ZNF585A: variants seen among roughly 807,000 people sequenced by gnomAD.
ZNF585A encodes the protein zinc finger protein 585A.
In ZNF585A, 9 loss-of-function variants were observed where a neutral mutation model predicts 14.9. The ratio of observed to expected loss-of-function variants is 0.60; its 90% CI spans 0.36 to 1.05. The LOEUF (loss-of-function observed/expected upper bound fraction) is 1.05, where lower values mean the gene tolerates loss of function less well. Among genes scored for constraint, ZNF585A ranks in the 50% least tolerant of loss-of-function variants. The probability of loss-of-function intolerance (pLI) is 0.01; values close to 1 mark genes in which losing one functional copy is unlikely to be tolerated. For synonymous variants in ZNF585A, 276 were observed against 319.9 expected (o/e 0.86, Z 1.46); for missense variants, 726 against 926.4 (o/e 0.78, Z 2.81).
rs2145392270 is a variant in ZNF585A, at chr19:37,149,257, A to T, written c.*2332T>A. 1 of 152,282 alleles carries T rather than the reference A, an allele frequency of 6.6e-6. No homozygotes were observed. Among genetic ancestry groups the T allele is most frequent in the Admixed American group, 6.5e-5 (1 of 15,308 alleles). 9.4% of individuals were successfully genotyped at this position (152,282 alleles called of 1,614,324 possible). A position where few individuals can be genotyped will look rare whatever the true frequency, so the allele number is the denominator to read the frequency against. ...GTGGGAGGCTATGCATATGTGGATT[A>T]GGGGATATATGGGAAACCTCTGTAA... On this transcript the variant is annotated 3_prime_UTR_variant, in exon 5 of 5. Transcript: ENST00000292841.
chr19:37,170,129 A>T (rs1406994419), intron 1 of ZNF585A, 75 bp from the exon 2 acceptor site: 1 of 504,480 alleles, frequency 2.0e-6, no homozygotes, highest in Non-Finnish European at 3.5e-6. Flanking sequence ...ATCAAGGTGC[A>T]GGTCCCTGAG....
At chr19:37,171,775 T>C (rs949742460) in intron 1 of ZNF585A, among the ~76,000 whole-genome samples, 11 of 151,850 alleles carry the variant, frequency 7.2e-5, no homozygotes, top group Non-Finnish European at 1.2e-4. Flanking sequence ...TGGTGGCGGG[T>C]GCCTCTAATC....
Position 37,155,862 on chromosome 19 carries a change from C to T in ZNF585A, c.292+3G>A, listed in dbSNP as rs1464554857. On this transcript the variant is annotated splice_donor_region_variant and intron_variant, in intron 4 of 4. Transcript: ENST00000292841. Reference sequence around the variant, plus strand: ...CTACCGGATTCACACTCGCTTCACTCACCTGGGCAGCTCTGACGTGGCCTC... The same window carrying T: ...CTACCGGATTCACACTCGCTTCACTTACCTGGGCAGCTCTGACGTGGCCTC... The T allele has an allele frequency of 1.2e-6, 2 of 1,612,116 alleles. No homozygotes were observed. The highest frequency in any genetic ancestry group is 1.7e-5 in the Admixed American group (1 of 60,002).
chr19:37,158,335 G>C (rs1233433629), intron 2 of ZNF585A, among the ~76,000 whole-genome samples: 1 of 152,198 alleles, frequency 6.6e-6, no homozygotes, highest in Non-Finnish European at 1.5e-5. Context: ...AGGCTGAAGG[G>C]AAGCGTACAA....
chr19:37,157,056 C>T (rs1231917278), intron 2 of ZNF585A, among the ~76,000 whole-genome samples: 1 of 152,184 alleles, frequency 6.6e-6, no homozygotes, highest in Non-Finnish European at 1.5e-5. Context: ...TTGTAAGTAA[C>T]ATTTACATAC....
rs750421120 is a variant in ZNF585A, at chr19:37,152,702, C to T, written c.1197G>A (p.Val399=). ...TTTCTCCTGTATGAATTCTCTGATG[C>T]ACTGTGAGTGCTGACTTCTGAGTGA... ...KAFTQKSALT[V]HQRIHTGEKS... is the part of the protein sequence containing the mutation. Residue 399 remains valine, a synonymous_variant, in exon 5 of 5, where the codon GTG becomes GTA. Coordinates refer to ENST00000292841, the MANE Select transcript of ZNF585A (RefSeq NM_001288800.2). The T allele has an allele frequency of 1.9e-6, 3 of 1,613,198 alleles. No homozygotes were observed. The South Asian group carries it at 3.3e-5, about 18-fold the overall frequency.
Position 37,153,453 on chromosome 19 carries a change from A to G in ZNF585A, c.446T>C (p.Leu149Pro), listed in dbSNP as rs1971873726. 6.2e-7 allele frequency: 1 copy of G among 1,614,060 alleles called. No individual in the cohort carries two copies. The highest frequency in any genetic ancestry group is 1.7e-5 in the Admixed American group (1 of 60,004). The part of the protein sequence containing the change: ...FTQKSQLKVH[L>P]KVLAGEKLYV... ...GAGCTTTTCTCCTGCAAGAACTTTCAGGTGTACTTTGAGCTGTGACTTCTG... is the reference window on the plus strand; with the variant it reads ...GAGCTTTTCTCCTGCAAGAACTTTCGGGTGTACTTTGAGCTGTGACTTCTG... Residue 149 changes from leucine to proline, a missense_variant, in exon 5 of 5, where the codon CTG becomes CCG. Leu to Pro is a moderately conservative substitution (Grantham distance 98). This residue lies in a region of ZNF585A where 483 missense variants were observed against 542.8 expected (regional missense o/e 0.89). Coordinates refer to ENST00000292841, the MANE Select transcript of ZNF585A (RefSeq NM_001288800.2).
At chr19:37,157,449 A>T (rs73622746) in intron 2 of ZNF585A, among the ~76,000 whole-genome samples, 3 of 152,210 alleles carry the variant, frequency 2.0e-5, no homozygotes, top group Admixed American at 1.3e-4. Context: ...GAAGTTTTTT[A>T]AAAAAGAAGA....
chr19:37,165,657 T>C (rs971540363), intron 2 of ZNF585A: 1 of 984,976 alleles, frequency 1.0e-6, no homozygotes, highest in Non-Finnish European at 1.2e-6. Flanking sequence ...TCTGAATCTA[T>C]CTTCATAATT....
At chr19:37,159,828 T>C (rs971367712) in intron 2 of ZNF585A, among the ~76,000 whole-genome samples, 2 of 152,132 alleles carry the variant, frequency 1.3e-5, no homozygotes, top group Admixed American at 6.5e-5. Context: ...TTAACAGCAC[T>C]CTTCTTTAAT....
At chr19:37,160,131 G>A (rs1339713379) in intron 2 of ZNF585A, among the ~76,000 whole-genome samples, 3 of 151,930 alleles carry the variant, frequency 2.0e-5, no homozygotes, top group South Asian at 2.1e-4. Flanking sequence ...CCAGGAGTTC[G>A]AGATCAGCCT....
rs1281600305 is a variant in ZNF585A, at chr19:37,148,994, A to AT, written c.*2594dup. The AT allele has an allele frequency of 6.6e-6, 1 of 152,196 alleles. No homozygotes were observed. Among genetic ancestry groups the AT allele is most frequent in the Non-Finnish European group, 1.5e-5 (1 of 68,032 alleles). The allele number at this position is 152,196 out of a possible 1,614,324, so 9.4% of individuals were successfully genotyped here. ...AAAAATGTTGCCAGGATTAGAGGAG[A>AT]TGAAGGGATGACAGGCAGAACACAG... On this transcript the variant is annotated 3_prime_UTR_variant, in exon 5 of 5. Transcript: ENST00000292841.
chr19:37,152,544 T>G lies in ZNF585A; in HGVS notation c.1355A>C (p.Gln452Pro). 6.2e-7 allele frequency: 1 copy of G among 1,614,216 alleles called. No homozygotes were observed. The highest frequency in any genetic ancestry group is 8.5e-7 in the Non-Finnish European group (1 of 1,180,036). The change falls in exon 5 of 5, where the codon CAA (glutamine) becomes CCA (proline). Residue 452 changes from glutamine to proline, a missense_variant. Around this residue, in one of 2 missense-constraint regions of ZNF585A, gnomAD observed 483 missense variants for 542.8 expected, o/e 0.89. Transcript: ENST00000292841. ...GTGAATTCGTTTATGAACATGGAGT[T>G]GCGACTTGGAGGTAAACAATTTCCC... is the stretch of plus-strand genomic sequence containing the variant. ...HCGKLFTSKS[Q>P]LHVHKRIHTG...
rs1971793391 is a variant in ZNF585A, at chr19:37,149,642, T to G, written c.*1947A>C. Reference sequence around the variant, plus strand: ...AGGAGGTTTCTGGGCAGGCTGAGGGTCCCTAAGTGGATCAGTGTTGGCACC... The same window carrying G: ...AGGAGGTTTCTGGGCAGGCTGAGGGGCCCTAAGTGGATCAGTGTTGGCACC... On this transcript the variant is annotated 3_prime_UTR_variant, in exon 5 of 5. Coordinates refer to ENST00000292841, the MANE Select transcript of ZNF585A (RefSeq NM_001288800.2). The G allele has an allele frequency of 6.6e-6, 1 of 151,948 alleles. No individual in the cohort carries two copies. The highest frequency in any genetic ancestry group is 6.6e-5 in the Admixed American group (1 of 15,242). The allele number at this position is 151,948 out of a possible 1,614,324, so 9.4% of individuals were successfully genotyped here. A position where few individuals can be genotyped will look rare whatever the true frequency, so the allele number is the denominator to read the frequency against.
In ZNF585A at chr19:37,151,508, T is replaced by C; in HGVS notation, c.*81A>G. 7.4e-7 allele frequency: 1 copy of C among 1,343,032 alleles called. No individual in the cohort carries two copies. The highest frequency in any genetic ancestry group is 1.0e-6 in the Non-Finnish European group (1 of 979,438). 83.2% of individuals were successfully genotyped at this position (1,343,032 alleles called of 1,614,324 possible). ...CTGTGGTCATTTCTATTTACAATAA[T>C]ATACATATTTTTCTGCTGCATGCGT... On this transcript the variant is annotated 3_prime_UTR_variant, in exon 5 of 5. Coordinates refer to ENST00000292841, the MANE Select transcript of ZNF585A (RefSeq NM_001288800.2).
rs1436046836 is a variant in ZNF585A, at chr19:37,147,744, T to C, written c.*3845A>G. ...CATATAAAATTAAAATATATAAATC[T>C]AGTTTTTACACTTATAAATCTTTTA... On this transcript the variant is annotated 3_prime_UTR_variant, in exon 5 of 5. Transcript: ENST00000292841. The C allele has an allele frequency of 6.6e-6, 1 of 152,236 alleles. No homozygotes were observed. Among genetic ancestry groups the C allele is most frequent in the Non-Finnish European group, 1.5e-5 (1 of 68,034 alleles). The allele number at this position is 152,236 out of a possible 1,614,324, so 9.4% of individuals were successfully genotyped here.
chr19:37,157,980 C>G (rs908150682), intron 2 of ZNF585A, among the ~76,000 whole-genome samples: 1 of 151,692 alleles, frequency 6.6e-6, no homozygotes, highest in Non-Finnish European at 1.5e-5. Flanking sequence ...CCTCCACCTC[C>G]CGGATTCAAG....
chr19:37,153,082 T>C lies in ZNF585A; in HGVS notation c.817A>G (p.Ile273Val), dbSNP rs760114914. ...IHTGERSYIC[I>V]ECGQAFIQKT... ...TGGATGAAGGCCTGTCCGCATTCAA[T>C]ACAGATGTAGGATCTCTCGCCTGTA... The change falls in exon 5 of 5, where the codon ATT becomes GTT. Residue 273 changes from isoleucine (I) to valine (V), a missense_variant. Physicochemically the swap from Ile to Val is conservative, Grantham distance 29. Coordinates refer to ENST00000292841, the MANE Select transcript of ZNF585A (RefSeq NM_001288800.2). The C allele has an allele frequency of 1.9e-6, 3 of 1,614,210 alleles. No homozygotes were observed. The highest frequency in any genetic ancestry group is 1.3e-5 in the African/African-American group (1 of 75,052).
In ZNF585A at chr19:37,153,132, G is replaced by A. The variant is rs756017006; in HGVS notation, c.767C>T (p.Thr256Ile). ...ATGGATTTTCTGATGCATCTTGAGT[G>A]TGGACTTTTGTGTGAATGCTTTGCC... Reference protein sequence around the residue: ...DCGKAFTQKSTLKMHQKIHTG... With the variant: ...DCGKAFTQKSILKMHQKIHTG... The change falls in exon 5 of 5, where the codon ACA becomes ATA. Residue 256 changes from threonine to isoleucine, a missense_variant. Thr to Ile is a moderately conservative substitution (Grantham distance 89, BLOSUM62 -1). Around this residue, in one of 2 missense-constraint regions of ZNF585A, gnomAD observed 483 missense variants for 542.8 expected, o/e 0.89. Coordinates refer to ENST00000292841, the MANE Select transcript of ZNF585A (RefSeq NM_001288800.2). The A allele has an allele frequency of 2.5e-6, 4 of 1,614,002 alleles. No individual in the cohort carries two copies. Among genetic ancestry groups the A allele is most frequent in the Admixed American group, 1.7e-5 (1 of 59,992 alleles).
Sources: allele counts gnomAD v4.1 joint callset (sites outside exome capture counted in the v4.1 genomes callset), GRCh38; gene constraint gnomAD v4.1.1; regional missense constraint gnomAD v4.1.1; transcripts MANE v1.5; gene names NCBI Gene and HGNC (gene_info 2026-07-23, HGNC 2026-07-21).